NF1: variants seen among roughly 807,000 people sequenced by gnomAD.
NF1 encodes neurofibromin.
In NF1, 122 loss-of-function variants were observed where a neutral mutation model predicts 325.7. That is an observed-to-expected ratio of 0.37 (90% CI 0.32 to 0.44). NF1 has a LOEUF of 0.44. NF1 is among the 20% of genes least tolerant of loss of function. The pLI is 1.00. For missense variants in NF1, 2,140 were observed against 3,415.4 expected (o/e 0.63, Z 9.31); for synonymous variants, 1,091 against 1,186.0 (o/e 0.92, Z 1.65).
intron 36 of NF1, among the ~76,000 whole-genome samples, chr17:31,323,625 G>C (rs1370673713): frequency 1.3e-5 from 2 of 152,128 alleles, no homozygotes; most frequent in African/African-American, 4.8e-5. Context: ...TATTTTCCCA[G>C]CTTTATCTCT....
chr17:31,294,931 A>G (rs2068428762), intron 36 of NF1: 1 of 1,576,706 alleles, frequency 6.3e-7, no homozygotes, highest in African/African-American at 1.3e-5. Context: ...AGCTCGAATC[A>G]CTGGTTAGAT....
chr17:31,322,463 C>T (rs1372382398), intron 36 of NF1, among the ~76,000 whole-genome samples: 1 of 125,972 alleles, frequency 7.9e-6, no homozygotes, highest in East Asian at 2.5e-4. Context: ...GATCATGCCA[C>T]TGCACTCCAG....
chr17:31,240,844 T>G (rs1248655660), intron 29 of NF1, among the ~76,000 whole-genome samples: 1 of 152,156 alleles, frequency 6.6e-6, no homozygotes, highest in African/African-American at 2.4e-5. Context: ...GTTGAGCACC[T>G]TTTCATGTAC....
chr17:31,106,765 G>A (rs917888003), intron 1 of NF1, among the ~76,000 whole-genome samples: 4 of 152,170 alleles, frequency 2.6e-5, no homozygotes, highest in African/African-American at 9.7e-5. Flanking sequence ...TCAGCTGTTA[G>A]AAGTTGTAAC....
rs587782894 is a variant in NF1 at position 31,235,979 on chromosome 17, C to T, written c.3932C>T (p.Ser1311Phe). 2 of 1,613,918 alleles carry T rather than the reference C, an allele frequency of 1.2e-6. No individual in the cohort carries two copies. The highest frequency in any genetic ancestry group is 1.7e-6 in the Non-Finnish European group (2 of 1,179,962). ...LDPLLRIVIT[S>F]SDWQHVSFEV... Reference sequence around the variant, plus strand: ...CCTTTATTACGAATTGTGATCACATCCTCTGATTGGCAACATGTTAGCTTT... The same window carrying T: ...CCTTTATTACGAATTGTGATCACATTCTCTGATTGGCAACATGTTAGCTTT... The change falls in exon 29 of 58, where the codon TCC becomes TTC. Residue 1311 changes from serine (S) to phenylalanine (F), a missense_variant. Ser to Phe is a radical substitution (Grantham distance 155). Around this residue, in one of 10 missense-constraint regions of NF1, gnomAD observed 336 missense variants for 399.0 expected, o/e 0.84. Transcript: ENST00000358273.
chr17:31,259,781 C>G (rs528554399), intron 33 of NF1, among the ~76,000 whole-genome samples: 4 of 152,286 alleles, frequency 2.6e-5, no homozygotes, highest in African/African-American at 7.2e-5. Flanking sequence ...GTCTGGAATT[C>G]TGCTTTTCAT....
At chr17:31,322,084 AGTGT>A in intron 36 of NF1, among the ~76,000 whole-genome samples, 1 of 98,632 alleles carries the variant, frequency 1.0e-5, no homozygotes, top group Admixed American at 1.2e-4. Context: ...CGTGTGGTGT[AGTGT>A]GTGTATACAC....
At chr17:31,360,242 C>T (rs1368885707) in intron 56 of NF1, 6 of 517,386 alleles carry the variant, frequency 1.2e-5, no homozygotes, top group Non-Finnish European at 2.1e-5. Flanking sequence ...GTATTACATT[C>T]AGTCTGTCTT....
At chr17:31,223,380 G>C (rs2144014248) in intron 15 of NF1, 64 bp from the exon 16 acceptor site, 1 of 1,579,948 alleles carries the variant, frequency 6.3e-7, no homozygotes, top group South Asian at 1.1e-5. Context: ...CCATTCTTAT[G>C]TCTGGTTATA....
intron 36 of NF1, among the ~76,000 whole-genome samples, chr17:31,288,522 G>GTTTTTTTTTTTTTTTTT (rs200926157): frequency 1.7e-5 from 2 of 119,666 alleles, no homozygotes; most frequent in Non-Finnish European, 3.8e-5. Context: ...TTTTTGCTTT[G>GTTTTTTTTTTTTTTTTT]TTTTTTTTTT....
chr17:31,326,151 C>G lies in NF1; in HGVS notation c.5167C>G (p.Gln1723Glu), dbSNP rs766727694. Residue 1723 changes from glutamine to glutamate, a missense_variant, in exon 37 of 58, where the codon CAA becomes GAA. By Grantham distance (29) the Gln-to-Glu change is conservative. This residue lies in a region of NF1 where 147 missense variants were observed against 186.7 expected (regional missense o/e 0.79). Transcript: ENST00000358273. The part of the protein sequence containing the change: ...GKLAEHIEHE[Q>E]QKLPAATLAL... ...ACTGGCTGAGCACATAGAGCATGAA[C>G]AACAGAAACTACCTGCTGCCACCTT... is the stretch of plus-strand genomic sequence containing the variant. The G allele has an allele frequency of 1.2e-6, 2 of 1,612,746 alleles. No homozygotes were observed. Among genetic ancestry groups the G allele is most frequent in the Non-Finnish European group, 8.5e-7 (1 of 1,179,422 alleles).
At position 31,278,398 on chromosome 17, in the gene NF1, A is replaced by AT. The variant is rs1457845161; in HGVS notation, c.4835+13065dup. ...TAATTTTTTTCTTTGGTCTTTTTGG[A>AT]TTTTTTGGGTTTTTTTTTTTTTTTT... On this transcript the variant is annotated intron_variant, in intron 36 of 57. Transcript: ENST00000358273. 7.4e-4 allele frequency among the ~76,000 whole-genome samples: 57 copies of AT among 76,644 alleles called. 1 individual carries two copies. The highest frequency in any genetic ancestry group is 3.0e-3 in the African/African-American group (53 of 17,790). The allele number at this position is 76,644 out of a possible 152,430, so 50.3% of individuals were successfully genotyped here.
chr17:31,206,167 A>G (rs1236755181), intron 11 of NF1, 73 bp from the exon 12 acceptor site: 16 of 1,544,964 alleles, frequency 1.0e-5, no homozygotes, highest in African/African-American at 1.4e-5. Context: ...ACTTAAAACT[A>G]CAGTGATAAA....
intron 30 of NF1, chr17:31,250,677 G>A (rs2151453526): frequency 5.2e-6 from 1 of 191,756 alleles, no homozygotes; most frequent in East Asian, 8.3e-5. Context: ...TTAGTACTTA[G>A]GAAATATTTA....
intron 12 of NF1, among the ~76,000 whole-genome samples, chr17:31,212,809 TTA>T (rs1491420357): frequency 1.3e-5 from 2 of 152,212 alleles, no homozygotes; most frequent in Admixed American, 6.5e-5. Flanking sequence ...TACTTTTTTT[TTA>T]TATGACTAGA....
chr17:31,248,938 T>C (rs1339419539), intron 29 of NF1, 46 bp from the exon 30 acceptor site: 4 of 1,598,664 alleles, frequency 2.5e-6, no homozygotes, highest in African/African-American at 1.3e-5. Flanking sequence ...TTTTTGTTAT[T>C]TGTTTTAAAC....
At chr17:31,328,835 C>T (rs986279875) in intron 38 of NF1, among the ~76,000 whole-genome samples, 2 of 152,142 alleles carry the variant, frequency 1.3e-5, no homozygotes, top group Admixed American at 6.6e-5. Flanking sequence ...GATATGTTTA[C>T]TTGGATGGGC....
intron 27 of NF1, among the ~76,000 whole-genome samples, chr17:31,233,979 C>T (rs532047228): frequency 7.2e-5 from 11 of 152,296 alleles, no homozygotes; most frequent in South Asian, 4.1e-4. Context: ...ATGCTATTTT[C>T]TTTCTTGTTC....
At chr17:31,246,379 T>C (rs1253299217) in intron 29 of NF1, among the ~76,000 whole-genome samples, 2 of 152,240 alleles carry the variant, frequency 1.3e-5, no homozygotes, top group Non-Finnish European at 2.9e-5. Flanking sequence ...ACTGTATTCA[T>C]ATGCTGTGCC....
Sources: gnomAD v4.1 joint callset for allele counts (sites outside exome capture counted in the v4.1 genomes callset) on GRCh38, gnomAD v4.1.1 for gene constraint, gnomAD v4.1.1 regional missense constraint, MANE v1.5 for transcripts, NCBI Gene and HGNC (gene_info 2026-07-23, HGNC 2026-07-21) for gene names.